CCDC178: variants seen among roughly 807,000 people sequenced by gnomAD.
The protein encoded by CCDC178 is coiled-coil domain containing 178.
Under a neutral mutation model 117.4 loss-of-function variants are expected in CCDC178, and 126 were observed. The ratio of observed to expected loss-of-function variants is 1.07; its 90% CI spans 0.93 to 1.24. The LOEUF (loss-of-function observed/expected upper bound fraction) is 1.24, where lower values mean the gene tolerates loss of function less well. Ranked by LOEUF, CCDC178 falls within the 50% of genes most tolerant of loss-of-function variation. The pLI is 0.00. For synonymous variants in CCDC178, 283 were observed against 313.4 expected (o/e 0.90, Z 1.02); for missense variants, 1,030 against 986.9 (o/e 1.04, Z -0.59).
At chr18:33,407,076 CAT>C (rs2063791601) in intron 3 of CCDC178, among the ~76,000 whole-genome samples, 1 of 152,170 alleles carries the variant, frequency 6.6e-6, no homozygotes, top group Admixed American at 6.6e-5. Flanking sequence ...CATGGCTGCA[CAT>C]ACATGCTTAA....
chr18:33,094,733 C>T (rs999120003), intron 20 of CCDC178, among the ~76,000 whole-genome samples: 2 of 151,868 alleles, frequency 1.3e-5, no homozygotes, highest in Non-Finnish European at 2.9e-5. Context: ...CTGAATGATA[C>T]CAGTTCTTCC....
At chr18:32,966,789 T>C (rs1357493361) in intron 22 of CCDC178, among the ~76,000 whole-genome samples, 1 of 151,898 alleles carries the variant, frequency 6.6e-6, no homozygotes, top group Non-Finnish European at 1.5e-5. Flanking sequence ...GGTATATATA[T>C]GTAATCTTCT....
Position 33,333,171 on chromosome 18 carries a change from T to C in CCDC178, c.879+3A>G. 1 of 1,559,338 alleles carries C rather than the reference T, an allele frequency of 6.4e-7. No individual in the cohort carries two copies. Among genetic ancestry groups the C allele is most frequent in the Non-Finnish European group, 8.8e-7 (1 of 1,141,776 alleles). On this transcript the variant is annotated splice_donor_region_variant and intron_variant, in intron 10 of 22. Transcript: ENST00000383096. ...TGAAATGCTCATGCATTCGTTTATT[T>C]ACCTCCATTTTTTTTTTATAATGGT...
chr18:33,018,116 A>T lies in CCDC178; in HGVS notation c.2389-43435T>A, dbSNP rs145882832. 3.0e-3 allele frequency among the ~76,000 whole-genome samples: 452 copies of T among 152,198 alleles called. 4 individuals are homozygous for T. Among genetic ancestry groups the T allele is most frequent in the African/African-American group, 0.01 (428 of 41,572 alleles). On this transcript the variant is annotated intron_variant, in intron 21 of 22. Transcript: ENST00000383096. ...AGGCAAATAACTCAATTTTAAAAGG[A>T]ACAACATATTTGAATAGACGTTTAT...
At chr18:32,951,909 C>T (rs1413013091) in intron 22 of CCDC178, among the ~76,000 whole-genome samples, 3 of 152,222 alleles carry the variant, frequency 2.0e-5, no homozygotes, top group African/African-American at 7.2e-5. Context: ...CTACAGGCCC[C>T]ATGCAAGTCC....
chr18:33,183,667 C>T (rs547612343), intron 20 of CCDC178, among the ~76,000 whole-genome samples: 6 of 152,176 alleles, frequency 3.9e-5, no homozygotes, highest in Admixed American at 3.3e-4. Context: ...ACAACTCACA[C>T]AGCTCACTGA....
intron 21 of CCDC178, among the ~76,000 whole-genome samples, chr18:33,035,133 T>C (rs567059245): frequency 6.6e-6 from 1 of 152,012 alleles, no homozygotes; most frequent in South Asian, 2.1e-4. Flanking sequence ...AGAGGAGAGA[T>C]GGTTTCTCTT....
chr18:33,412,454 A>G (rs2063870108), intron 2 of CCDC178, among the ~76,000 whole-genome samples: 1 of 129,886 alleles, frequency 7.7e-6, no homozygotes, highest in Non-Finnish European at 1.6e-5. Flanking sequence ...TTCATATAAT[A>G]AAAGTTTAAC....
At chr18:33,319,149 G>C (rs1421748018) in intron 11 of CCDC178, among the ~76,000 whole-genome samples, 1 of 151,810 alleles carries the variant, frequency 6.6e-6, no homozygotes, top group Non-Finnish European at 1.5e-5. Context: ...CCATTAGCTG[G>C]TCATTTACAT....
intron 21 of CCDC178, among the ~76,000 whole-genome samples, chr18:33,006,452 C>G (rs1230698940): frequency 6.6e-6 from 1 of 151,960 alleles, no homozygotes; most frequent in Non-Finnish European, 1.5e-5. Context: ...TTTATATGAA[C>G]AATATCAGTC....
chr18:33,256,360 G>A (rs2059679981), intron 14 of CCDC178, among the ~76,000 whole-genome samples: 1 of 152,000 alleles, frequency 6.6e-6, no homozygotes, highest in African/African-American at 2.4e-5. Flanking sequence ...CTTGAACAGG[G>A]CAGAAGAGGT....
intron 21 of CCDC178, among the ~76,000 whole-genome samples, chr18:33,020,116 GT>G (rs974063654): frequency 0.03 from 4,105 of 135,640 alleles, 82 homozygotes; most frequent in Non-Finnish European, 0.043. Flanking sequence ...CGGATAATTG[GT>G]TTTTTTTTTT....
At chr18:33,068,716 C>T (rs1172499143) in intron 21 of CCDC178, among the ~76,000 whole-genome samples, 3 of 150,210 alleles carry the variant, frequency 2.0e-5, no homozygotes, top group Non-Finnish European at 4.5e-5. Context: ...TAACATTATA[C>T]TGCATGGGGA....
chr18:33,174,803 T>G (rs561935132), intron 20 of CCDC178, among the ~76,000 whole-genome samples: 8 of 152,186 alleles, frequency 5.3e-5, no homozygotes, highest in Non-Finnish European at 1.2e-4. Context: ...AGGAGTAACC[T>G]TATCTCTCCT....
chr18:33,010,191 T>A (rs1172450520), intron 21 of CCDC178, among the ~76,000 whole-genome samples: 2 of 152,174 alleles, frequency 1.3e-5, no homozygotes, highest in Non-Finnish European at 1.5e-5. Context: ...TGTTTGATTT[T>A]TAGGTATTTT....
At chr18:33,245,449 T>A in intron 14 of CCDC178, 21 bp from the exon 15 acceptor site, 2 of 1,478,832 alleles carry the variant, frequency 1.4e-6, no homozygotes, top group Non-Finnish European at 1.8e-6. Context: ...AAAGCAAAAA[T>A]TAATATTATT....
rs150928703 is a variant in CCDC178, at chr18:33,405,554, TAAAC to T, written c.58+6473_58+6476del. 6.8e-3 allele frequency among the ~76,000 whole-genome samples: 1,029 copies of T among 151,944 alleles called. 8 individuals are homozygous for T. Among genetic ancestry groups the T allele is most frequent in the African/African-American group, 0.024 (976 of 41,530 alleles). On this transcript the variant is annotated intron_variant, in intron 3 of 22. Transcript: ENST00000383096. The stretch of plus-strand genomic sequence containing the variant: ...AGATAATACATTTAAGATACTCTCA[TAAAC>T]AAAAAATAAATTATATAAAAAAGTA...
chr18:33,395,720 A>C (rs2063625765), intron 4 of CCDC178, among the ~76,000 whole-genome samples: 1 of 152,134 alleles, frequency 6.6e-6, no homozygotes, highest in African/African-American at 2.4e-5. Context: ...CTGTATTTTA[A>C]GCATCATGGA....
chr18:33,299,359 GTC>G (rs2062146916), intron 11 of CCDC178, among the ~76,000 whole-genome samples: 1 of 152,048 alleles, frequency 6.6e-6, no homozygotes, highest in African/African-American at 2.4e-5. Context: ...GGAAATGACA[GTC>G]TCTTCAATAA....
Sources: allele counts gnomAD v4.1 joint callset (sites outside exome capture counted in the v4.1 genomes callset), GRCh38; gene constraint gnomAD v4.1.1; transcripts MANE v1.5; gene names NCBI Gene and HGNC (gene_info 2026-07-23, HGNC 2026-07-21).